Variants in SLCO6A1 observed in about 807,000 individuals in gnomAD.
The protein encoded by SLCO6A1 is solute carrier organic anion transporter family member 6A1.
In SLCO6A1, 65 loss-of-function variants were observed where a neutral mutation model predicts 72.7. That is an observed-to-expected ratio of 0.89 (90% CI 0.73 to 1.10). The LOEUF is 1.10. Ranked by LOEUF, SLCO6A1 falls within the 50% of genes least tolerant of loss-of-function variation. The pLI, the probability that SLCO6A1 is intolerant of heterozygous loss-of-function variation, is 0.00. For synonymous variants in SLCO6A1, 314 were observed against 298.2 expected (o/e 1.05, Z -0.55); for missense variants, 874 against 872.6 (o/e 1.00, Z -0.02).
At chr5:102,402,335 A>G (rs1453587791) in intron 9 of SLCO6A1, among the ~76,000 whole-genome samples, 1 of 152,186 alleles carries the variant, frequency 6.6e-6, no homozygotes, top group Non-Finnish European at 1.5e-5. Context: ...AGGGCCTAAA[A>G]TCCTCAAGGA....
chr5:102,492,008 C>T (rs1752705703), intron 1 of SLCO6A1, among the ~76,000 whole-genome samples: 1 of 152,228 alleles, frequency 6.6e-6, no homozygotes, highest in Non-Finnish European at 1.5e-5. Context: ...AAAGCAGTCA[C>T]ATCTTACATG....
At chr5:102,454,898 T>C (rs1427508960) in intron 6 of SLCO6A1, among the ~76,000 whole-genome samples, 72 of 150,870 alleles carry the variant, frequency 4.8e-4, no homozygotes, top group Non-Finnish European at 3.8e-4. Context: ...GGATGGTTTA[T>C]GATTTGATTA....
At chr5:102,443,708 T>A (rs1283164756) in intron 6 of SLCO6A1, among the ~76,000 whole-genome samples, 2 of 152,210 alleles carry the variant, frequency 1.3e-5, no homozygotes, top group African/African-American at 4.8e-5. Context: ...ATATTAAGAA[T>A]GCCATAGATT....
chr5:102,455,034 T>C (rs569247586), intron 6 of SLCO6A1, among the ~76,000 whole-genome samples: 13 of 83,554 alleles, frequency 1.6e-4, no homozygotes, highest in African/African-American at 7.1e-4. Flanking sequence ...ATATAAATTA[T>C]GTTATAACAA....
intron 8 of SLCO6A1, among the ~76,000 whole-genome samples, chr5:102,414,896 AAAGT>A (rs1320395315): frequency 1.4e-5 from 2 of 139,868 alleles, no homozygotes; most frequent in African/African-American, 5.1e-5. Flanking sequence ...ACTCCATCTC[AAAGT>A]AAGTAAGTAA....
intron 6 of SLCO6A1, among the ~76,000 whole-genome samples, chr5:102,447,281 G>A (rs1030232244): frequency 2.6e-5 from 4 of 152,130 alleles, no homozygotes; most frequent in Non-Finnish European, 5.9e-5. Context: ...ATTTTTTTGA[G>A]AATGTTTGCA....
rs191929577 is a variant in SLCO6A1, at chr5:102,421,863, A to G, written c.1277-1842T>C. Among the ~76,000 whole-genome samples, 317 of 152,312 alleles carry G rather than the reference A, an allele frequency of 2.1e-3. 3 individuals are homozygous for G. Among genetic ancestry groups the G allele is most frequent in the African/African-American group, 7.2e-3 (301 of 41,570 alleles). ...CAGCAGGGGTCAGCAGACACTTCATACAGGAGAGCTCCGGCTGGCATTTGG... is the reference window on the plus strand; with the variant it reads ...CAGCAGGGGTCAGCAGACACTTCATGCAGGAGAGCTCCGGCTGGCATTTGG... On this transcript the variant is annotated intron_variant, in intron 7 of 13. Coordinates refer to ENST00000506729, the MANE Select transcript of SLCO6A1 (RefSeq NM_173488.5).
intron 8 of SLCO6A1, among the ~76,000 whole-genome samples, chr5:102,413,428 A>G (rs913061117): frequency 2.0e-5 from 3 of 152,020 alleles, no homozygotes; most frequent in Non-Finnish European, 4.4e-5. Flanking sequence ...AAAAACCCAA[A>G]AGTTTCCTTG....
rs773317073 is a variant in SLCO6A1 at position 102,477,712 on chromosome 5, C to T, written c.766G>A (p.Glu256Lys). ...LYILGITFID[E>K]NVATHSAGIY... The stretch of plus-strand genomic sequence containing the variant: ...CCAGCTGAGTGTGTAGCAACATTCT[C>T]ATCAATAAAGGTTATTCCAAGGATA... The change falls in exon 3 of 14, where the codon GAG (glutamate) becomes AAG (lysine). Residue 256 changes from glutamate to lysine, a missense_variant. By Grantham distance (56) the Glu-to-Lys change is moderately conservative. Transcript: ENST00000506729. 18 of 1,613,434 alleles carry T rather than the reference C, an allele frequency of 1.1e-5. No homozygotes were observed. Among genetic ancestry groups the T allele is most frequent in the Non-Finnish European group, 1.4e-5 (17 of 1,179,726 alleles).
chr5:102,477,587 A>G, intron 3 of SLCO6A1, 89 bp downstream of exon 3: 1 of 1,053,422 alleles, frequency 9.5e-7, no homozygotes, highest in Non-Finnish European at 1.4e-6. Flanking sequence ...ATAAGGGCCA[A>G]TAGTACTTCT....
At chr5:102,424,852 G>C (rs1748802720) in intron 7 of SLCO6A1, among the ~76,000 whole-genome samples, 1 of 151,882 alleles carries the variant, frequency 6.6e-6, no homozygotes, top group African/African-American at 2.4e-5. Context: ...CTGATGAACA[G>C]TGTTGGGAAA....
chr5:102,478,536 A>AG (rs564412677), intron 2 of SLCO6A1, among the ~76,000 whole-genome samples: 286 of 152,340 alleles, frequency 1.9e-3, no homozygotes, highest in African/African-American at 6.5e-3. Context: ...GGCATTATAC[A>AG]GTAAACATTT....
At chr5:102,405,721 C>G (rs746630063) in intron 9 of SLCO6A1, among the ~76,000 whole-genome samples, 18 of 152,020 alleles carry the variant, frequency 1.2e-4, no homozygotes, top group Non-Finnish European at 2.7e-4. Context: ...CTGAGCGAAA[C>G]TCACATCTTC....
intron 1 of SLCO6A1, among the ~76,000 whole-genome samples, chr5:102,493,264 C>G (rs1047164905): frequency 1.3e-5 from 2 of 152,030 alleles, no homozygotes; most frequent in Non-Finnish European, 2.9e-5. Flanking sequence ...AAAATTTTGG[C>G]AAATTAAGTC....
chr5:102,427,151 A>G (rs1748936898), intron 7 of SLCO6A1, among the ~76,000 whole-genome samples: 1 of 152,088 alleles, frequency 6.6e-6, no homozygotes, highest in Admixed American at 6.6e-5. Context: ...TAAATAAGAA[A>G]CCTGGATATT....
At chr5:102,465,844 T>C (rs1751282688) in intron 4 of SLCO6A1, among the ~76,000 whole-genome samples, 1 of 151,996 alleles carries the variant, frequency 6.6e-6, no homozygotes, top group Admixed American at 6.6e-5. Context: ...CTTTAATGAG[T>C]TGAGGCAGTT....
rs11746217 is a variant in SLCO6A1, at chr5:102,459,786, A to G, written c.900-9T>C. 1,008,225 of 1,552,550 alleles carry G rather than the reference A, an allele frequency of 0.65. 330,201 individuals are homozygous for G. The highest frequency in any genetic ancestry group is 0.67 in the African/African-American group (47,224 of 70,618). On this transcript the variant is annotated splice_polypyrimidine_tract_variant and intron_variant, in intron 4 of 13. Transcript: ENST00000506729. ...CATTATTGACTGTAGTGCTTTAATA[A>G]AGAAAAGTGAAAAAAAAAAGCAACT...
At chr5:102,379,718 A>G (rs1746003555) in intron 12 of SLCO6A1, among the ~76,000 whole-genome samples, 2 of 150,814 alleles carry the variant, frequency 1.3e-5, no homozygotes, top group Non-Finnish European at 3.0e-5. Context: ...CAATATTCTC[A>G]TAGTAATTCT....
At chr5:102,392,029 T>A (rs1746790474) in intron 10 of SLCO6A1, among the ~76,000 whole-genome samples, 2 of 152,128 alleles carry the variant, frequency 1.3e-5, no homozygotes, top group African/African-American at 4.8e-5. Flanking sequence ...TAATGGGCAT[T>A]TTAAATAAAC....
Sources: allele counts gnomAD v4.1 joint callset (sites outside exome capture counted in the v4.1 genomes callset), GRCh38; gene constraint gnomAD v4.1.1; transcripts MANE v1.5; gene names NCBI Gene and HGNC (gene_info 2026-07-23, HGNC 2026-07-21).